MCCC1: variants seen among roughly 807,000 people sequenced by gnomAD.
The protein encoded by MCCC1 is methylcrotonyl-CoA carboxylase subunit 1.
In MCCC1, 64 loss-of-function variants were observed where a neutral mutation model predicts 83.8. That is an observed-to-expected ratio of 0.76 (90% CI 0.62 to 0.94). The LOEUF is 0.94. MCCC1 is among the 40% of genes least tolerant of loss of function. MCCC1 has a pLI of 0.00. For missense variants in MCCC1, 807 were observed against 904.7 expected (o/e 0.89, Z 1.39); for synonymous variants, 322 against 315.4 (o/e 1.02, Z -0.22).
intron 13 of MCCC1, among the ~76,000 whole-genome samples, chr3:183,036,603 G>A (rs1458499239): frequency 6.8e-5 from 10 of 147,302 alleles, no homozygotes; most frequent in South Asian, 6.6e-4. Context: ...GCAGTGGCGC[G>A]ATCTCGGTTC....
At chr3:183,102,758 G>GTTTTTTTTTTTTTTTT (rs566199257), upstream of MCCC1, among the ~76,000 whole-genome samples, 1 of 52,168 alleles carries the variant, frequency 1.9e-5, no homozygotes, top group African/African-American at 6.9e-5. Flanking sequence ...AGCAGAGAAA[G>GTTTTTTTTTTTTTTTT]TTTTTTTTTT....
At chr3:183,112,931 T>A (rs972042917) in intron 1 of MCCC1, among the ~76,000 whole-genome samples, 6 of 146,886 alleles carry the variant, frequency 4.1e-5, no homozygotes, top group African/African-American at 1.3e-4. Context: ...AAATAAAAAA[T>A]AAAAAAAAAA....
intron 9 of MCCC1, among the ~76,000 whole-genome samples, chr3:183,050,522 G>T (rs1475561634): frequency 6.6e-6 from 1 of 151,912 alleles, no homozygotes; most frequent in Admixed American, 6.6e-5. Context: ...GGCTAAAGTG[G>T]TGAAACCCCG....
rs73886224 is a variant in MCCC1, at chr3:183,114,305, C to G, written c.-102+1169G>C. 5.0e-3 allele frequency among the ~76,000 whole-genome samples: 758 copies of G among 152,164 alleles called. 6 individuals are homozygous for G. The highest frequency in any genetic ancestry group is 0.018 in the African/African-American group (729 of 41,530). The stretch of plus-strand genomic sequence containing the variant: ...TTGTTTTAACTAGACCCCCCGCCCC[C>G]CTTCCTAAACCAAGATGTAAAAGTT... On this transcript the variant is annotated intron_variant, in intron 1 of 17. Coordinates refer to the MCCC1 transcript ENST00000492597.
chr3:183,020,285 T>G (rs1371751342), intron 16 of MCCC1, 48 bp from the exon 17 acceptor site: 2 of 1,358,322 alleles, frequency 1.5e-6, no homozygotes, highest in African/African-American at 2.9e-5. Context: ...CCTATCACTA[T>G]ATTTTTACTA....
chr3:183,093,125 C>T (rs529747689), intron 2 of MCCC1, among the ~76,000 whole-genome samples: 1 of 152,138 alleles, frequency 6.6e-6, no homozygotes, highest in Non-Finnish European at 1.5e-5. Flanking sequence ...AACTCCTGAC[C>T]TCAGGTGATC....
chr3:183,074,283 C>T (rs1292036172), intron 4 of MCCC1, among the ~76,000 whole-genome samples: 3 of 152,010 alleles, frequency 2.0e-5, no homozygotes, highest in African/African-American at 7.3e-5. Flanking sequence ...GGATTTTAGC[C>T]CACAGAAGAG....
chr3:183,075,191 T>C (rs768468080), intron 4 of MCCC1, among the ~76,000 whole-genome samples: 4 of 152,234 alleles, frequency 2.6e-5, no homozygotes, highest in Non-Finnish European at 5.9e-5. Flanking sequence ...CACATGTGTC[T>C]TTATGGTAGA....
chr3:183,085,248 T>A (rs1368687463), intron 4 of MCCC1, among the ~76,000 whole-genome samples: 1 of 152,036 alleles, frequency 6.6e-6, no homozygotes, highest in East Asian at 1.9e-4. Context: ...ACTTCAATCA[T>A]CCATTTCCCC....
chr3:183,078,172 AC>A (rs1377126550), intron 4 of MCCC1, among the ~76,000 whole-genome samples: 4 of 152,114 alleles, frequency 2.6e-5, no homozygotes, highest in African/African-American at 9.7e-5. Flanking sequence ...GGCACCTGTC[AC>A]CATGCCTGGC....
intron 17 of MCCC1, 112 bp downstream of exon 17, chr3:183,020,018 G>A (rs1221963702): frequency 2.5e-6 from 2 of 795,682 alleles, no homozygotes; most frequent in Non-Finnish European, 4.3e-6. Flanking sequence ...TTGTGAAGTG[G>A]ATGCTTTCCA....
intron 4 of MCCC1, among the ~76,000 whole-genome samples, chr3:183,076,217 A>T (rs1466311087): frequency 6.6e-6 from 1 of 152,334 alleles, no homozygotes; most frequent in Non-Finnish European, 1.5e-5. Flanking sequence ...CCAATACCCA[A>T]GCAACAACTG....
At chr3:183,114,138 C>G in intron 1 of MCCC1, among the ~76,000 whole-genome samples, 1 of 152,142 alleles carries the variant, frequency 6.6e-6, no homozygotes, top group East Asian at 1.9e-4. Flanking sequence ...ATCCGCAGTG[C>G]CCAAGAATTC....
At chr3:183,100,247 C>G (rs190392310), upstream of MCCC1, among the ~76,000 whole-genome samples, 30 of 152,276 alleles carry the variant, frequency 2.0e-4, no homozygotes, top group Middle Eastern at 3.4e-3. Context: ...TTGTAAGATG[C>G]TAATTTTGCT....
chr3:183,039,961 T>C (rs913794937), intron 11 of MCCC1, among the ~76,000 whole-genome samples: 1 of 151,616 alleles, frequency 6.6e-6, no homozygotes, highest in Non-Finnish European at 1.5e-5. Flanking sequence ...CCGGGCGTGG[T>C]GGCGGGTGCC....
intron 10 of MCCC1, among the ~76,000 whole-genome samples, chr3:183,044,817 C>T (rs1291276523): frequency 6.6e-6 from 1 of 152,148 alleles, no homozygotes; most frequent in African/African-American, 2.4e-5. Flanking sequence ...TCCCATCTTC[C>T]TGTCCTCATA....
intron 5 of MCCC1, 31 bp downstream of exon 5, chr3:183,072,335 C>T: frequency 5.0e-6 from 8 of 1,611,724 alleles, no homozygotes; most frequent in Non-Finnish European, 6.8e-6. Context: ...GACCTTCATA[C>T]AGTTATATTT....
At chr3:183,048,228 C>T (rs1309206467) in intron 9 of MCCC1, among the ~76,000 whole-genome samples, 1 of 151,964 alleles carries the variant, frequency 6.6e-6, no homozygotes, top group Non-Finnish European at 1.5e-5. Context: ...AAAATAGGAA[C>T]AAACAAGGGG....
intron 4 of MCCC1, among the ~76,000 whole-genome samples, chr3:183,083,206 G>A (rs1416257423): frequency 6.6e-6 from 1 of 152,042 alleles, no homozygotes; most frequent in African/African-American, 2.4e-5. Context: ...TTACTAGATG[G>A]CCAATAAGTT....
Sources: allele counts gnomAD v4.1 joint callset (sites outside exome capture counted in the v4.1 genomes callset), GRCh38; gene constraint gnomAD v4.1.1; transcripts MANE v1.5; gene names NCBI Gene and HGNC (gene_info 2026-07-23, HGNC 2026-07-21).